MAPK10: variants seen among roughly 807,000 people sequenced by gnomAD.
MAPK10 encodes the protein JNK3 alpha protein kinase.
In MAPK10, 25 loss-of-function variants were observed where a neutral mutation model predicts 59.3. The observed-to-expected ratio is 0.42, with a 90% confidence interval of 0.31 to 0.59. The LOEUF (loss-of-function observed/expected upper bound fraction) is 0.59. Ranked by LOEUF, MAPK10 falls within the 20% of genes least tolerant of loss-of-function variation. The pLI is 0.15. For synonymous variants in MAPK10, 190 were observed against 200.5 expected (o/e 0.95, Z 0.44); for missense variants, 351 against 568.9 (o/e 0.62, Z 3.90).
chr4:86,060,666 C>T (rs533997793), intron 11 of MAPK10, among the ~76,000 whole-genome samples: 3 of 152,154 alleles, frequency 2.0e-5, no homozygotes, highest in South Asian at 2.1e-4. Context: ...GAGTTCCCCC[C>T]AAAATCCCAA....
intron 11 of MAPK10, among the ~76,000 whole-genome samples, chr4:86,051,508 A>G (rs1049599144): frequency 2.0e-5 from 3 of 152,192 alleles, no homozygotes; most frequent in African/African-American, 7.2e-5. Context: ...TGGTCTATGT[A>G]GAGTTGTGAT....
intron 2 of MAPK10, among the ~76,000 whole-genome samples, chr4:86,309,390 TG>T (rs1416334182): frequency 6.6e-6 from 1 of 152,126 alleles, no homozygotes; most frequent in African/African-American, 2.4e-5. Context: ...GCACAAGCAT[TG>T]CATCAATATA....
At chr4:86,376,925 C>T (rs1739909097) in intron 1 of MAPK10, among the ~76,000 whole-genome samples, 1 of 152,198 alleles carries the variant, frequency 6.6e-6, no homozygotes, top group African/African-American at 2.4e-5. Flanking sequence ...GGGGAAGTCT[C>T]CCCATGGATC....
chr4:86,501,349 T>C lies in MAPK10; in HGVS notation c.-263+92561A>G, dbSNP rs186774257. Among the ~76,000 whole-genome samples, 3 of 152,136 alleles carry C rather than the reference T, an allele frequency of 2.0e-5. No individual in the cohort carries two copies. The East Asian group carries it at 5.8e-4, about 29-fold the overall frequency. ...TACAACTGTATTTATTTAATAAGCA[T>C]ATATTAATATTGTATATTTTTTCTG... On this transcript the variant is annotated intron_variant, in intron 1 of 4. Transcript: ENST00000502302.
chr4:86,196,718 T>C lies in MAPK10; in HGVS notation c.-6-2311A>G, dbSNP rs187297247. ...GTCTCATGTTTAAGTCGGTAATCCATCTCGAGCTAATTTTTGTAGAAGGTG... is the reference window on the plus strand; with the variant it reads ...GTCTCATGTTTAAGTCGGTAATCCACCTCGAGCTAATTTTTGTAGAAGGTG... On this transcript the variant is annotated intron_variant, in intron 2 of 13. Transcript: ENST00000641462. Among the ~76,000 whole-genome samples the C allele has an allele frequency of 3.5e-3, 530 of 152,300 alleles. 4 individuals are homozygous for C. Among genetic ancestry groups the C allele is most frequent in the African/African-American group, 0.012 (501 of 41,554 alleles).
intron 11 of MAPK10, among the ~76,000 whole-genome samples, chr4:86,048,817 AT>A (rs533569555): frequency 1.3e-5 from 2 of 152,098 alleles, no homozygotes; most frequent in Non-Finnish European, 2.9e-5. Context: ...AAATGTAATA[AT>A]TTTTTTAATT....
chr4:86,055,828 A>T (rs1488208806), intron 11 of MAPK10, among the ~76,000 whole-genome samples: 1 of 150,032 alleles, frequency 6.7e-6, no homozygotes, highest in Admixed American at 6.6e-5. Flanking sequence ...TAAATATTTG[A>T]TAGGTATTTT....
intron 4 of MAPK10, among the ~76,000 whole-genome samples, chr4:86,131,705 A>G (rs181519923): frequency 6.6e-6 from 1 of 152,334 alleles, no homozygotes; most frequent in Admixed American, 6.5e-5. Flanking sequence ...GTAATGTAAA[A>G]TGTTAACATT....
intron 2 of MAPK10, among the ~76,000 whole-genome samples, chr4:86,198,576 G>A (rs928550307): frequency 2.0e-5 from 3 of 151,830 alleles, no homozygotes; most frequent in Non-Finnish European, 4.4e-5. Flanking sequence ...CCTACCTCAC[G>A]TTGTACACAA....
At chr4:86,036,279 A>G (rs1363922005) in intron 11 of MAPK10, among the ~76,000 whole-genome samples, 1 of 152,162 alleles carries the variant, frequency 6.6e-6, no homozygotes, top group Non-Finnish European at 1.5e-5. Context: ...GGAGGACGTT[A>G]ATATGAGACA....
chr4:86,135,181 A>G (rs1410487690), intron 4 of MAPK10, among the ~76,000 whole-genome samples: 1 of 152,238 alleles, frequency 6.6e-6, no homozygotes, highest in African/African-American at 2.4e-5. Flanking sequence ...GGTGGAGCCC[A>G]CCACAGCTCA....
At chr4:86,533,207 C>T (rs1176693326) in intron 1 of MAPK10, among the ~76,000 whole-genome samples, 1 of 151,838 alleles carries the variant, frequency 6.6e-6, no homozygotes, top group Non-Finnish European at 1.5e-5. Context: ...TAACCAGATA[C>T]ATAGAGAGAG....
chr4:86,508,552 C>T (rs565184388), intron 1 of MAPK10, among the ~76,000 whole-genome samples: 50 of 152,248 alleles, frequency 3.3e-4, no homozygotes, highest in African/African-American at 1.1e-3. Flanking sequence ...TGATTTGGTG[C>T]ATCCGGCTTA....
At chr4:86,472,502 C>G (rs1453459436) in intron 1 of MAPK10, among the ~76,000 whole-genome samples, 1 of 152,104 alleles carries the variant, frequency 6.6e-6, no homozygotes, top group Non-Finnish European at 1.5e-5. Context: ...ACAAAATTAG[C>G]AGAGCATGAT....
chr4:86,560,913 A>T (rs919495471), intron 1 of MAPK10, among the ~76,000 whole-genome samples: 2 of 152,262 alleles, frequency 1.3e-5, no homozygotes, highest in African/African-American at 4.8e-5. Flanking sequence ...AGTCCATGTC[A>T]GAAATAGAGC....
At chr4:86,039,106 G>C (rs1017915816) in intron 11 of MAPK10, among the ~76,000 whole-genome samples, 1 of 152,150 alleles carries the variant, frequency 6.6e-6, no homozygotes, top group Non-Finnish European at 1.5e-5. Context: ...AGTATGATTT[G>C]AGGAGATGTC....
At chr4:86,243,096 C>G (rs1365666741) in intron 2 of MAPK10, among the ~76,000 whole-genome samples, 1 of 152,190 alleles carries the variant, frequency 6.6e-6, no homozygotes, top group Admixed American at 6.5e-5. Flanking sequence ...TTCCTTCTCT[C>G]CATGGCTCAC....
chr4:86,435,446 G>A (rs889462515), intron 1 of MAPK10, among the ~76,000 whole-genome samples: 7 of 151,032 alleles, frequency 4.6e-5, no homozygotes, highest in South Asian at 2.1e-4. Context: ...GCAGTGAGCC[G>A]AGATCACACC....
intron 2 of MAPK10, chr4:86,326,314 C>T (rs1406596653): frequency 2.0e-5 from 3 of 152,138 alleles, no homozygotes; most frequent in East Asian, 3.8e-4. Flanking sequence ...ATGGAAGTAC[C>T]TACTGGATGC....
Sources: gnomAD v4.1 joint callset for allele counts (sites outside exome capture counted in the v4.1 genomes callset) on GRCh38, gnomAD v4.1.1 for gene constraint, MANE v1.5 for transcripts, NCBI Gene and HGNC (gene_info 2026-07-23, HGNC 2026-07-21) for gene names.